Variants in CP observed in about 807,000 individuals in gnomAD.
CP encodes the protein ceruloplasmin, also known as caeruloplasmin.
CP carries 64 observed loss-of-function variants against 122.4 expected under a neutral mutation model. The ratio of observed to expected loss-of-function variants is 0.52; its 90% CI spans 0.43 to 0.64. The LOEUF (loss-of-function observed/expected upper bound fraction) is 0.64, where lower values mean the gene tolerates loss of function less well. Ranked by LOEUF, CP falls within the 30% of genes least tolerant of loss-of-function variation. The pLI is 0.00. For missense variants in CP, 1,167 were observed against 1,284.4 expected (o/e 0.91, Z 1.40); for synonymous variants, 440 against 436.4 (o/e 1.01, Z -0.10).
downstream of CP, among the ~76,000 whole-genome samples, chr3:149,169,031 G>T (rs1249147186): frequency 6.7e-6 from 1 of 149,884 alleles, no homozygotes; most frequent in Non-Finnish European, 1.5e-5. Flanking sequence ...ATATATTTGT[G>T]TGCATACGTG....
At chr3:149,218,155 A>G (rs1477006939) in intron 1 of CP, among the ~76,000 whole-genome samples, 3 of 152,210 alleles carry the variant, frequency 2.0e-5, no homozygotes, top group Non-Finnish European at 4.4e-5. Flanking sequence ...TCATCAGAAA[A>G]AAAAGTAATC....
intron 8 of CP, among the ~76,000 whole-genome samples, chr3:149,199,311 A>G (rs916565930): frequency 4.6e-5 from 7 of 152,196 alleles, no homozygotes; most frequent in Non-Finnish European, 1.0e-4. Flanking sequence ...AGAATTATAT[A>G]AAAATATAAG....
chr3:149,194,894 A>G (rs1343524658), intron 9 of CP, among the ~76,000 whole-genome samples: 1 of 152,214 alleles, frequency 6.6e-6, no homozygotes, highest in East Asian at 1.9e-4. Flanking sequence ...GAAATGAGAC[A>G]TAGCTATAGC....
chr3:149,203,042 G>A (rs865937240), intron 6 of CP, among the ~76,000 whole-genome samples: 87 of 149,548 alleles, frequency 5.8e-4, no homozygotes, highest in African/African-American at 2.0e-3. Context: ...GAGTAGCTGG[G>A]ACTACAGGCG....
intron 2 of CP, 111 bp from the exon 3 acceptor site, chr3:149,210,490 G>C (rs1728037618): frequency 8.6e-6 from 8 of 927,766 alleles, no homozygotes; most frequent in Non-Finnish European, 1.2e-5. Context: ...TCTACTATGT[G>C]ATCCTTGGGG....
At chr3:149,200,707 C>T (rs1358479436) in intron 7 of CP, among the ~76,000 whole-genome samples, 2 of 150,976 alleles carry the variant, frequency 1.3e-5, no homozygotes, top group Non-Finnish European at 3.0e-5. Flanking sequence ...GATGGGGTTT[C>T]GCCATGTTGA....
intron 2 of CP, among the ~76,000 whole-genome samples, chr3:149,212,016 G>A (rs181641037): frequency 4.6e-5 from 7 of 152,146 alleles, no homozygotes; most frequent in East Asian, 1.9e-4. Flanking sequence ...ATAGTTGGCC[G>A]GGTGCAGTGA....
At chr3:149,199,473 A>C (rs1486359769) in intron 8 of CP, among the ~76,000 whole-genome samples, 1 of 152,238 alleles carries the variant, frequency 6.6e-6, no homozygotes, top group Non-Finnish European at 1.5e-5. Context: ...TAATTGATAC[A>C]ACCCAACTAA....
intron 6 of CP, among the ~76,000 whole-genome samples, 164 bp from the exon 7 acceptor site, chr3:149,202,405 T>C (rs899538305): frequency 2.6e-5 from 4 of 152,174 alleles, no homozygotes; most frequent in Non-Finnish European, 1.5e-5. Flanking sequence ...AAGCAGACAG[T>C]TCCAGTCCAC....
chr3:149,206,132 C>T (rs763155947), intron 6 of CP, 36 bp downstream of exon 6: 2 of 1,593,734 alleles, frequency 1.3e-6, no homozygotes, highest in East Asian at 2.2e-5. Context: ...CGGGGGAGAG[C>T]ATATTTTGAA....
At chr3:149,210,824 A>G (rs902150297) in intron 2 of CP, among the ~76,000 whole-genome samples, 3 of 152,178 alleles carry the variant, frequency 2.0e-5, no homozygotes, top group Admixed American at 6.5e-5. Flanking sequence ...ACCTCTGTGT[A>G]CCCATCAAAC....
intron 8 of CP, 76 bp downstream of exon 8, chr3:149,199,636 T>G: frequency 1.9e-6 from 3 of 1,572,682 alleles, no homozygotes; most frequent in Non-Finnish European, 2.6e-6. Context: ...CCTTCAGTTT[T>G]TGCAGCATAC....
chr3:149,181,974 GCA>G, intron 14 of CP, 29 bp downstream of exon 14: 2 of 1,356,686 alleles, frequency 1.5e-6, no homozygotes, highest in Non-Finnish European at 2.1e-6. Flanking sequence ...CTGTTAAAAT[GCA>G]CCACCCCCAC....
chr3:149,179,878 T>G (rs963728346), intron 14 of CP: 8 of 525,692 alleles, frequency 1.5e-5, no homozygotes, highest in Admixed American at 1.2e-4. Flanking sequence ...TGTCATTTTT[T>G]GGGTTAATTT....
At chr3:149,185,491 C>A (rs371674981) in intron 11 of CP, 45 bp from the exon 12 acceptor site, 6 of 1,567,740 alleles carry the variant, frequency 3.8e-6, no homozygotes, top group Non-Finnish European at 5.3e-6. Context: ...TGCTAGTGCC[C>A]TCTGGGGCTC....
chr3:149,214,577 C>T (rs1331942185), intron 1 of CP, among the ~76,000 whole-genome samples: 2 of 152,154 alleles, frequency 1.3e-5, no homozygotes, highest in African/African-American at 4.8e-5. Flanking sequence ...TATTTGCAGC[C>T]TGTGTGGAGC....
At chr3:149,208,329 T>A (rs34753475) in intron 4 of CP, among the ~76,000 whole-genome samples, 12,420 of 152,170 alleles carry the variant, frequency 0.082, 1,454 homozygotes, top group African/African-American at 0.26. Context: ...GTAACACTGG[T>A]ACCAAATCAA....
intron 1 of CP, among the ~76,000 whole-genome samples, chr3:149,220,473 C>T (rs922913705): frequency 1.2e-5 from 1 of 81,056 alleles, no homozygotes; most frequent in African/African-American, 5.0e-5. Context: ...GAAGATAATA[C>T]CACCTTAAAA....
At chr3:149,202,869 A>T (rs1169775155) in intron 6 of CP, among the ~76,000 whole-genome samples, 2 of 142,554 alleles carry the variant, frequency 1.4e-5, no homozygotes, top group Non-Finnish European at 3.0e-5. Context: ...TCGGCCTCCC[A>T]AAGTGCTGGG....
Sources: allele counts gnomAD v4.1 joint callset (sites outside exome capture counted in the v4.1 genomes callset), GRCh38; gene constraint gnomAD v4.1.1; transcripts MANE v1.5; gene names NCBI Gene and HGNC (gene_info 2026-07-23, HGNC 2026-07-21).